The following ROBO1 variants were observed in gnomAD, a reference collection of about 807,000 sequenced individuals.
The protein encoded by ROBO1 is roundabout guidance receptor 1.
Under a neutral mutation model 195.9 loss-of-function variants are expected in ROBO1, and 149 were observed. That is an observed-to-expected ratio of 0.76 (90% confidence interval 0.67 to 0.87). The LOEUF (loss-of-function observed/expected upper bound fraction) is 0.87, where lower values mean the gene tolerates loss of function less well. Among genes scored for constraint, ROBO1 ranks in the 40% least tolerant of loss-of-function variants. The pLI is 0.00. For missense variants in ROBO1, 1,933 were observed against 2,068.3 expected, an observed-to-expected ratio of 0.93 and a Z score of 1.27; for synonymous variants, 816 against 733.2, an observed-to-expected ratio of 1.11 and a Z score of -1.82.
At chr3:79,173,811 C>A (rs559639457) in intron 2 of ROBO1, among the ~76,000 whole-genome samples, 1 of 152,152 alleles carries the variant, frequency 6.6e-6, no homozygotes, top group African/African-American at 2.4e-5. Context: ...CTTGGAGAAC[C>A]TTTACGTCTA....
chr3:79,055,674 G>A (rs1331653951), intron 3 of ROBO1, among the ~76,000 whole-genome samples: 1 of 152,054 alleles, frequency 6.6e-6, no homozygotes, highest in African/African-American at 2.4e-5. Context: ...GTCAGCATGT[G>A]ATGGAAAACA....
At chr3:79,166,981 T>C (rs1422831444) in intron 2 of ROBO1, among the ~76,000 whole-genome samples, 2 of 152,090 alleles carry the variant, frequency 1.3e-5, no homozygotes, top group African/African-American at 4.8e-5. Flanking sequence ...TCACTATGCC[T>C]GAGGCGATGT....
chr3:79,165,521 A>T (rs1315032339), intron 2 of ROBO1, among the ~76,000 whole-genome samples: 2 of 152,362 alleles, frequency 1.3e-5, no homozygotes, highest in East Asian at 3.9e-4. Context: ...TGATTCGAAG[A>T]TCAGAAATCA....
intron 3 of ROBO1, among the ~76,000 whole-genome samples, chr3:79,093,781 A>C (rs758404406): frequency 9.9e-5 from 15 of 152,080 alleles, no homozygotes; most frequent in African/African-American, 2.4e-5. Context: ...TGCTCATTTA[A>C]CATGCTCCCC....
intron 10 of ROBO1, among the ~76,000 whole-genome samples, chr3:78,677,937 C>T (rs1212399186): frequency 2.6e-5 from 4 of 151,598 alleles, no homozygotes; most frequent in African/African-American, 7.3e-5. Flanking sequence ...AAGCTCTCCT[C>T]AGCAAATGTA....
At position 79,253,842 on chromosome 3, in the gene ROBO1, TG is replaced by T. The variant is rs541781789; in HGVS notation, c.89-128304del. On this transcript the variant is annotated intron_variant, in intron 2 of 30. Transcript: ENST00000464233. ...TCTGACTATAACTGAGTAACTCACA[TG>T]TGTAAAACATATGGATTTTTTCAAG... Among the ~76,000 whole-genome samples the T allele has an allele frequency of 1.2e-3, 186 of 152,326 alleles. 1 individual carries two copies. The highest frequency in any genetic ancestry group is 6.8e-3 in the Middle Eastern group (2 of 294).
chr3:79,139,044 A>C (rs2080470815), intron 2 of ROBO1, among the ~76,000 whole-genome samples: 1 of 151,796 alleles, frequency 6.6e-6, no homozygotes, highest in South Asian at 2.1e-4. Context: ...AGTTTGGTTT[A>C]AGTTAATTTG....
At chr3:79,349,028 A>G (rs1340063719) in intron 2 of ROBO1, among the ~76,000 whole-genome samples, 1 of 152,230 alleles carries the variant, frequency 6.6e-6, no homozygotes, top group Non-Finnish European at 1.5e-5. Context: ...ATCTAGTTAA[A>G]TCTCTGTTTG....
chr3:79,384,801 G>T (rs995224471), intron 2 of ROBO1, among the ~76,000 whole-genome samples: 2 of 151,788 alleles, frequency 1.3e-5, no homozygotes, highest in Non-Finnish European at 2.9e-5. Flanking sequence ...ATTACATGGG[G>T]GTAAACATTA....
intron 3 of ROBO1, among the ~76,000 whole-genome samples, chr3:78,977,967 CCTG>C (rs769669340): frequency 5.3e-5 from 8 of 152,122 alleles, no homozygotes; most frequent in African/African-American, 1.2e-4. Flanking sequence ...GACAAAATGT[CCTG>C]CTAATTATTT....
intron 4 of ROBO1, among the ~76,000 whole-genome samples, chr3:78,885,922 T>TATAC (rs2036536631): frequency 6.9e-6 from 1 of 144,038 alleles, no homozygotes; most frequent in African/African-American, 2.6e-5. Flanking sequence ...TATATATATA[T>TATAC]ATATATATAT....
intron 2 of ROBO1, among the ~76,000 whole-genome samples, chr3:79,467,546 A>T (rs1938030572): frequency 6.6e-6 from 1 of 151,832 alleles, no homozygotes; most frequent in African/African-American, 2.4e-5. Context: ...TGTCAAGAAG[A>T]TGGTTGGAGA....
chr3:79,223,415 G>C (rs2082175431), intron 2 of ROBO1, among the ~76,000 whole-genome samples: 1 of 151,992 alleles, frequency 6.6e-6, no homozygotes, highest in Admixed American at 6.6e-5. Context: ...TCGAGTAAAA[G>C]CTAGAGGAAA....
At chr3:79,459,171 A>G (rs1279210671) in intron 2 of ROBO1, among the ~76,000 whole-genome samples, 1 of 152,116 alleles carries the variant, frequency 6.6e-6, no homozygotes, top group African/African-American at 2.4e-5. Context: ...TACAATAAAC[A>G]TGTTCCTATG....
intron 2 of ROBO1, among the ~76,000 whole-genome samples, chr3:79,527,378 A>G (rs940295103): frequency 2.0e-5 from 3 of 152,212 alleles, no homozygotes; most frequent in African/African-American, 4.8e-5. Flanking sequence ...ATAATTTGCT[A>G]ACTTTACTAA....
intron 4 of ROBO1, among the ~76,000 whole-genome samples, chr3:78,787,209 C>T (rs2083862574): frequency 6.6e-6 from 1 of 152,186 alleles, no homozygotes. Context: ...AATTATTAAA[C>T]ATACTGTTTT....
At chr3:79,469,449 G>A (rs1317381528) in intron 2 of ROBO1, among the ~76,000 whole-genome samples, 1 of 152,074 alleles carries the variant, frequency 6.6e-6, no homozygotes, top group East Asian at 1.9e-4. Flanking sequence ...GATTGCTATG[G>A]GTTTGCCTTT....
chr3:78,624,922 T>C (rs1452231670), intron 26 of ROBO1, among the ~76,000 whole-genome samples: 2 of 152,140 alleles, frequency 1.3e-5, no homozygotes, highest in East Asian at 3.9e-4. Flanking sequence ...GTTGATGAGT[T>C]TCAGGCAAAT....
chr3:78,687,930 C>T (rs990517580), intron 9 of ROBO1, among the ~76,000 whole-genome samples: 8 of 152,084 alleles, frequency 5.3e-5, no homozygotes, highest in African/African-American at 1.2e-4. Context: ...TGTGCCCAGC[C>T]GCGTTTTTGT....
Sources: allele counts gnomAD v4.1 joint callset (sites outside exome capture counted in the v4.1 genomes callset), GRCh38; gene constraint gnomAD v4.1.1; transcripts MANE v1.5; gene names NCBI Gene and HGNC (gene_info 2026-07-23, HGNC 2026-07-21).